The following TXNRD2 variants were observed in gnomAD, a reference collection of about 807,000 sequenced individuals.
The protein encoded by TXNRD2 is thioredoxin reductase 2.
Under a neutral mutation model 70.8 loss-of-function variants are expected in TXNRD2, and 67 were observed. That is an observed-to-expected ratio of 0.95 (90% CI 0.78 to 1.16). The LOEUF (loss-of-function observed/expected upper bound fraction) is 1.16, where lower values mean the gene tolerates loss of function less well. Ranked by LOEUF, TXNRD2 falls within the 50% of genes most tolerant of loss-of-function variation. TXNRD2 has a pLI of 0.00. For synonymous variants in TXNRD2, 301 were observed against 295.8 expected, an observed-to-expected ratio of 1.02 and a Z score of -0.18; for missense variants, 644 against 719.9, an observed-to-expected ratio of 0.89 and a Z score of 1.21.
At chr22:19,928,664 C>CCCTA (rs1941243591) in intron 2 of TXNRD2, among the ~76,000 whole-genome samples, 1 of 152,280 alleles carries the variant, frequency 6.6e-6, no homozygotes, top group African/African-American at 2.4e-5. Context: ...AAGCCCTAAA[C>CCCTA]CCTAGCACTT....
chr22:19,920,855 C>A (rs143090460), intron 2 of TXNRD2, among the ~76,000 whole-genome samples: 2 of 152,250 alleles, frequency 1.3e-5, no homozygotes, highest in Admixed American at 6.5e-5. Context: ...GTAATCCCAG[C>A]ACTTTGGGAG....
chr22:19,909,869 A>C (rs200317923), intron 8 of TXNRD2, among the ~76,000 whole-genome samples: 2 of 19,960 alleles, frequency 1.0e-4, no homozygotes, highest in African/African-American at 4.5e-4. Context: ...CCACACACAC[A>C]CCACTCACAC....
intron 8 of TXNRD2, among the ~76,000 whole-genome samples, chr22:19,909,654 TTCAC>T (rs1176043423): frequency 5.2e-5 from 2 of 38,628 alleles, no homozygotes; most frequent in African/African-American, 2.1e-4. Flanking sequence ...ACACACACCA[TTCAC>T]ACACACACCA....
At chr22:19,881,135 G>A in intron 12 of TXNRD2, 1 of 448,898 alleles carries the variant, frequency 2.2e-6, no homozygotes, top group Non-Finnish European at 3.9e-6. Flanking sequence ...CGTTCCATGT[G>A]CTCCTGACGT....
chr22:19,904,162 C>A (rs1457592160), intron 8 of TXNRD2, among the ~76,000 whole-genome samples: 1 of 152,132 alleles, frequency 6.6e-6, no homozygotes, highest in Non-Finnish European at 1.5e-5. Context: ...GCCAGAACGT[C>A]CCCCGCCCCA....
chr22:19,886,110 C>T (rs1284575447), intron 11 of TXNRD2, among the ~76,000 whole-genome samples: 1 of 152,218 alleles, frequency 6.6e-6, no homozygotes, highest in Non-Finnish European at 1.5e-5. Flanking sequence ...ACTCCACAGC[C>T]CTTCGGGAAT....
chr22:19,915,381 G>C, intron 6 of TXNRD2, 105 bp from the exon 7 acceptor site: 1 of 1,166,642 alleles, frequency 8.6e-7, no homozygotes, highest in Non-Finnish European at 1.3e-6. Context: ...CACGGCCCCT[G>C]CCCTGTAGCG....
chr22:19,911,773 G>A (rs1248771161), intron 7 of TXNRD2, among the ~76,000 whole-genome samples: 1 of 152,184 alleles, frequency 6.6e-6, no homozygotes, highest in Admixed American at 6.5e-5. Context: ...GGGCCATACA[G>A]GCAGACAGCT....
chr22:19,924,288 G>A (rs1331862563), intron 2 of TXNRD2, among the ~76,000 whole-genome samples: 1 of 152,050 alleles, frequency 6.6e-6, no homozygotes, highest in African/African-American at 2.4e-5. Flanking sequence ...AAGCGAGGCT[G>A]AAAAGCAAAC....
chr22:19,903,016 T>C (rs1386013929), intron 8 of TXNRD2: 3 of 518,586 alleles, frequency 5.8e-6, no homozygotes, highest in African/African-American at 5.8e-5. Context: ...CAGCCCAAGT[T>C]ATAAAAACAC....
chr22:19,907,107 A>G, intron 8 of TXNRD2, among the ~76,000 whole-genome samples: 1 of 110,336 alleles, frequency 9.1e-6, no homozygotes, highest in Admixed American at 1.1e-4. Context: ...CGCCATGGGT[A>G]GCAGTGACGG....
In TXNRD2 at chr22:19,918,130, A is replaced by G. The variant is rs374143850; in HGVS notation, c.449+13T>C. On this transcript the variant is annotated intron_variant, in intron 5 of 17. Coordinates refer to ENST00000400521, the MANE Select transcript of TXNRD2 (RefSeq NM_006440.5). ...CCCAGAGGGCGGCCCATTCCCGGAG[A>G]GAGCTTCAGTACCTGTCCTGAAGCT... is the stretch of plus-strand genomic sequence containing the variant. 1.2e-6 allele frequency: 2 copies of G among 1,613,288 alleles called. No individual in the cohort carries two copies. Among genetic ancestry groups the G allele is most frequent in the Admixed American group, 1.7e-5 (1 of 59,986 alleles).
At chr22:19,938,681 C>G (rs1028323847) in intron 1 of TXNRD2, among the ~76,000 whole-genome samples, 1 of 152,152 alleles carries the variant, frequency 6.6e-6, no homozygotes, top group African/African-American at 2.4e-5. Context: ...CATTAATCTT[C>G]GGGGCAGAGA....
At chr22:19,910,683 T>C (rs1461243615) in intron 8 of TXNRD2, among the ~76,000 whole-genome samples, 1 of 152,202 alleles carries the variant, frequency 6.6e-6, no homozygotes, top group Non-Finnish European at 1.5e-5. Context: ...CACAGCTCAC[T>C]GCAGCCTCAA....
chr22:19,876,850 G>C (rs375088263), intron 17 of TXNRD2, 190 bp downstream of exon 17: 19 of 399,244 alleles, frequency 4.8e-5, no homozygotes, highest in East Asian at 3.8e-4. Flanking sequence ...GGTCCCCCGG[G>C]GAGGTTTGGG....
intron 12 of TXNRD2, among the ~76,000 whole-genome samples, chr22:19,882,399 A>G (rs970550659): frequency 6.6e-6 from 1 of 152,126 alleles, no homozygotes; most frequent in African/African-American, 2.4e-5. Context: ...CGGTTTCACC[A>G]TGTTGGCTAG....
chr22:19,932,687 T>C (rs1284069691), intron 1 of TXNRD2: 3 of 815,794 alleles, frequency 3.7e-6, no homozygotes, highest in African/African-American at 3.5e-5. Context: ...AGTAGTGCCC[T>C]CAGCCCCTCT....
rs1939475313 is a variant in TXNRD2, at chr22:19,895,683, G to C, written c.775-102C>G. The C allele has an allele frequency of 2.2e-6, 3 of 1,387,276 alleles. No homozygotes were observed. In the East Asian group the frequency reaches 7.2e-5, roughly 33 times the overall value. 85.9% of individuals were successfully genotyped at this position (1,387,276 alleles called of 1,614,324 possible). A position where few individuals can be genotyped will look rare whatever the true frequency, so the allele number is the denominator to read the frequency against. ...AGGCCTCAATGAAGGGCGGAGAGGG[G>C]TCTGTGCGGAAGACGGGGTGAGACA... On this transcript the variant is annotated intron_variant, in intron 10 of 17. Transcript: ENST00000400521.
intron 16 of TXNRD2, among the ~76,000 whole-genome samples, chr22:19,877,857 A>T (rs1938578340): frequency 1.3e-5 from 2 of 152,206 alleles, no homozygotes; most frequent in African/African-American, 4.8e-5. Context: ...CCGGGGCCAC[A>T]GGGGACACCT....
Sources: allele counts gnomAD v4.1 joint callset (sites outside exome capture counted in the v4.1 genomes callset), GRCh38; gene constraint gnomAD v4.1.1; transcripts MANE v1.5; gene names NCBI Gene and HGNC (gene_info 2026-07-23, HGNC 2026-07-21).